MED13L: variants seen among roughly 807,000 people sequenced by gnomAD.
The protein encoded by MED13L is mediator complex subunit 13L.
MED13L carries 7 observed loss-of-function variants against 220.9 expected under a neutral mutation model. The observed-to-expected ratio is 0.03, with a 90% CI of 0.02 to 0.06. The LOEUF (loss-of-function observed/expected upper bound fraction) is 0.06. Ranked by LOEUF, MED13L falls within the 10% of genes least tolerant of loss-of-function variation. The pLI, the probability that MED13L is intolerant of heterozygous loss-of-function variation, is 1.00. For synonymous variants in MED13L, 1,011 were observed against 1,015.2 expected (o/e 1.00, Z 0.08); for missense variants, 1,965 against 2,760.5 (o/e 0.71, Z 6.46).
chr12:115,995,158 C>A (rs1326224746), intron 16 of MED13L, among the ~76,000 whole-genome samples: 1 of 152,152 alleles, frequency 6.6e-6, no homozygotes, highest in Non-Finnish European at 1.5e-5. Flanking sequence ...TTAACTTCAT[C>A]AGGATGATTT....
At chr12:116,073,463 G>A (rs1200172329) in intron 4 of MED13L, among the ~76,000 whole-genome samples, 5 of 152,102 alleles carry the variant, frequency 3.3e-5, no homozygotes, top group South Asian at 2.1e-4. Context: ...TCATTCAATC[G>A]TTCAGTGCAT....
chr12:116,007,638 T>TTA lies in MED13L; in HGVS notation c.2013-3_2013-2insTA. ...CGTTTGTTAGGTTGTGCTAAGAGTC[T>TTA]AAAAGACAAAAAAAAAAAAAAAAAA... On this transcript the variant is annotated splice_polypyrimidine_tract_variant and splice_region_variant and intron_variant, in intron 10 of 30. Transcript: ENST00000281928. 1 of 477,350 alleles carries TTA rather than the reference T, an allele frequency of 2.1e-6. No homozygotes were observed. Among genetic ancestry groups the TTA allele is most frequent in the Admixed American group, 6.0e-5 (1 of 16,582 alleles). 29.6% of individuals were successfully genotyped at this position (477,350 alleles called of 1,614,324 possible). A position where few individuals can be genotyped will look rare whatever the true frequency, so the allele number is the denominator to read the frequency against.
intron 1 of MED13L, among the ~76,000 whole-genome samples, chr12:116,247,411 T>C (rs926931285): frequency 1.3e-5 from 2 of 152,208 alleles, no homozygotes; most frequent in African/African-American, 2.4e-5. Flanking sequence ...TATTTAACCA[T>C]GTGTTAAAAT....
At chr12:116,271,752 T>A (rs149278076) in intron 1 of MED13L, among the ~76,000 whole-genome samples, 9 of 152,224 alleles carry the variant, frequency 5.9e-5, no homozygotes, top group South Asian at 4.1e-4. Flanking sequence ...CAATGTTGCA[T>A]GTATTTTTTT....
intron 15 of MED13L, 88 bp downstream of exon 15, chr12:115,996,922 C>T (rs926820422): frequency 2.9e-6 from 4 of 1,362,692 alleles, no homozygotes; most frequent in Non-Finnish European, 3.2e-6. Context: ...GTATATATGG[C>T]ACACAGACAA....
intron 1 of MED13L, among the ~76,000 whole-genome samples, chr12:116,273,219 G>A (rs1224674278): frequency 1.3e-5 from 2 of 152,058 alleles, no homozygotes; most frequent in Admixed American, 6.6e-5. Context: ...GAGGAGAATC[G>A]CTAGAACCTG....
At position 115,984,202 on chromosome 12, in the gene MED13L, C is replaced by T. The variant is rs544089602; in HGVS notation, c.4509G>A (p.Ala1503=). The T allele has an allele frequency of 4.3e-6, 7 of 1,613,746 alleles. No individual in the cohort carries two copies. Among genetic ancestry groups the T allele is most frequent in the South Asian group, 1.1e-5 (1 of 91,044 alleles). ...NDNHSRLKLY[A]QVCRHHLAPY... ...TACCTAGGTGATGGCGGCAAACTTG[C>T]GCATAAAGTTTGAGTCTGGAATGAT... Residue 1503 remains alanine, a synonymous_variant, in exon 20 of 31, where the codon GCG becomes GCA. Transcript: ENST00000281928.
At chr12:115,977,863 C>T (rs1208758939) in intron 23 of MED13L, among the ~76,000 whole-genome samples, 2 of 152,082 alleles carry the variant, frequency 1.3e-5, no homozygotes, top group African/African-American at 4.8e-5. Flanking sequence ...GGCACGGTGG[C>T]ACATGCCTGT....
chr12:116,104,192 T>C (rs1440096201), intron 3 of MED13L, among the ~76,000 whole-genome samples: 1 of 151,806 alleles, frequency 6.6e-6, no homozygotes, highest in African/African-American at 2.4e-5. Context: ...GCATTTTTAG[T>C]AGAGTCAGAG....
At chr12:116,077,891 G>A (rs1211350826) in intron 4 of MED13L, among the ~76,000 whole-genome samples, 3 of 152,086 alleles carry the variant, frequency 2.0e-5, no homozygotes, top group Non-Finnish European at 2.9e-5. Flanking sequence ...TGTGGCTCAC[G>A]CCTGTAATCC....
chr12:116,111,826 T>A (rs907684727), intron 2 of MED13L, among the ~76,000 whole-genome samples: 1 of 152,122 alleles, frequency 6.6e-6, no homozygotes, highest in Non-Finnish European at 1.5e-5. Flanking sequence ...ATTAATCTAT[T>A]TAAGAGTATC....
At chr12:115,987,027 A>G (rs1460742933) in intron 18 of MED13L, 82 bp downstream of exon 18, 16 of 1,387,504 alleles carry the variant, frequency 1.2e-5, no homozygotes, top group South Asian at 7.2e-5. Context: ...TTAGTGACGC[A>G]AGGACTTGAC....
In MED13L at chr12:116,237,630, G is replaced by C; in HGVS notation, c.148C>G (p.Pro50Ala). The change falls in exon 2 of 31, where the codon CCA becomes GCA. Residue 50 changes from proline to alanine, a missense_variant. By Grantham distance (27) the Pro-to-Ala change is conservative (BLOSUM62 -1). Around this residue, in one of 10 missense-constraint regions of MED13L, gnomAD observed 818 missense variants for 1,041.2 expected, o/e 0.79. Coordinates refer to ENST00000281928, the MANE Select transcript of MED13L (RefSeq NM_015335.5). ...AACAGAATTGGATCATCTTGGGCTG[G>C]GGCTGAAATTATGGGTCCACAGTCC... Reference protein sequence around the residue: ...HGDCGPIISAPAQDDPILLSF... With the variant: ...HGDCGPIISAAAQDDPILLSF... 6.2e-7 allele frequency: 1 copy of C among 1,614,116 alleles called. No homozygotes were observed. The highest frequency in any genetic ancestry group is 8.5e-7 in the Non-Finnish European group (1 of 1,180,030).
chr12:116,111,835 T>C (rs1210944834), intron 2 of MED13L, among the ~76,000 whole-genome samples: 1 of 152,164 alleles, frequency 6.6e-6, no homozygotes, highest in Non-Finnish European at 1.5e-5. Context: ...TTTAAGAGTA[T>C]CGCAAAGACT....
chr12:116,004,342 G>A (rs1249673978), intron 13 of MED13L, among the ~76,000 whole-genome samples: 4 of 152,118 alleles, frequency 2.6e-5, no homozygotes, highest in Non-Finnish European at 5.9e-5. Flanking sequence ...GAAGAAATGA[G>A]TCATTTCTTC....
chr12:116,046,817 C>CA (rs1253003060), intron 4 of MED13L, among the ~76,000 whole-genome samples: 4 of 151,982 alleles, frequency 2.6e-5, no homozygotes, highest in Non-Finnish European at 5.9e-5. Flanking sequence ...ACTAAAAATA[C>CA]AAAAAATTAG....
intron 4 of MED13L, among the ~76,000 whole-genome samples, chr12:116,028,599 A>G (rs1027672896): frequency 6.6e-6 from 1 of 152,086 alleles, no homozygotes; most frequent in Non-Finnish European, 1.5e-5. Context: ...CATCAACATA[A>G]ATCAGACACA....
At chr12:116,173,601 A>T (rs1049045128) in intron 2 of MED13L, among the ~76,000 whole-genome samples, 1 of 152,206 alleles carries the variant, frequency 6.6e-6, no homozygotes, top group East Asian at 1.9e-4. Context: ...CAACAGTGGT[A>T]AAAGCATTTC....
At chr12:116,242,210 A>G (rs1870727943) in intron 1 of MED13L, among the ~76,000 whole-genome samples, 1 of 151,964 alleles carries the variant, frequency 6.6e-6, no homozygotes, top group South Asian at 2.1e-4. Context: ...ACACCCAGCT[A>G]ATTTTTCTAT....
Sources: gnomAD v4.1 joint callset for allele counts (sites outside exome capture counted in the v4.1 genomes callset) on GRCh38, gnomAD v4.1.1 for gene constraint, gnomAD v4.1.1 regional missense constraint, MANE v1.5 for transcripts, NCBI Gene and HGNC (gene_info 2026-07-23, HGNC 2026-07-21) for gene names.